The following RYR1 variants were observed in gnomAD, a reference collection of about 807,000 sequenced individuals.
RYR1 encodes ryanodine receptor 1.
RYR1 carries 342 observed loss-of-function variants against 583.5 expected under a neutral mutation model. The observed-to-expected ratio is 0.59, with a 90% CI of 0.54 to 0.64. The LOEUF (loss-of-function observed/expected upper bound fraction) is 0.64, where lower values mean the gene tolerates loss of function less well. Among genes scored for constraint, RYR1 ranks in the 30% least tolerant of loss-of-function variants. RYR1 has a pLI of 0.00. For missense variants in RYR1, 6,032 were observed against 6,917.2 expected, an observed-to-expected ratio of 0.87 and a Z score of 4.54; for synonymous variants, 2,791 against 2,822.5, an observed-to-expected ratio of 0.99 and a Z score of 0.35.
rs759317223 is a variant in RYR1 at position 38,466,328 on chromosome 19, C to A, written c.3108C>A (p.Asp1036Glu). The change falls in exon 24 of 106, where the codon GAC (aspartate) becomes GAA (glutamate). Residue 1036 changes from aspartate to glutamate, a missense_variant. Coordinates refer to ENST00000359596, the MANE Select transcript of RYR1 (RefSeq NM_000540.3). ...AAGCCACCAAGCGCAGCAACCGGGACAGCCTCTGCCAGGCCGTGCGCACCC... is the reference window on the plus strand; with the variant it reads ...AAGCCACCAAGCGCAGCAACCGGGAAAGCCTCTGCCAGGCCGTGCGCACCC... ...LDEATKRSNR[D>E]SLCQAVRTLL... The A allele has an allele frequency of 4.4e-5, 71 of 1,603,780 alleles. No homozygotes were observed. In the Admixed American group the frequency reaches 1.1e-3, roughly 26 times the overall value.
chr19:38,433,916 G>A (rs1197374439), intron 1 of RYR1, 42 bp downstream of exon 1: 1 of 1,572,948 alleles, frequency 6.4e-7, no homozygotes, highest in Admixed American at 1.7e-5. Context: ...CTATCTCTTG[G>A]GGCTCTCTGA....
chr19:38,582,895 C>G (rs1018540010), intron 101 of RYR1, among the ~76,000 whole-genome samples: 1 of 152,192 alleles, frequency 6.6e-6, no homozygotes, highest in Admixed American at 6.5e-5. Context: ...ACATCTGAGG[C>G]TCTTCCAGAC....
At chr19:38,584,142 G>A (rs1022299774) in intron 101 of RYR1, among the ~76,000 whole-genome samples, 6 of 151,712 alleles carry the variant, frequency 4.0e-5, no homozygotes, top group African/African-American at 9.7e-5. Context: ...TGCCTCCAGC[G>A]GGCTGTTAAA....
At chr19:38,541,850 A>T (rs1344389988) in intron 84 of RYR1, among the ~76,000 whole-genome samples, 1 of 151,996 alleles carries the variant, frequency 6.6e-6, no homozygotes, top group Non-Finnish European at 1.5e-5. Flanking sequence ...TGGGAGGTCA[A>T]GGTAGGAGGG....
At chr19:38,546,329 A>T in intron 87 of RYR1, 116 bp from the exon 88 acceptor site, 1 of 784,788 alleles carries the variant, frequency 1.3e-6, no homozygotes, top group Non-Finnish European at 2.2e-6. Flanking sequence ...GTCCCCTCGG[A>T]GGTAAGAGGG....
chr19:38,455,220 T>C lies in RYR1; in HGVS notation c.1441-15T>C, dbSNP rs1166701006. The C allele has an allele frequency of 8.1e-6, 13 of 1,613,824 alleles. No individual in the cohort carries two copies. The highest frequency in any genetic ancestry group is 1.1e-5 in the Non-Finnish European group (13 of 1,179,898). On this transcript the variant is annotated splice_polypyrimidine_tract_variant and intron_variant, in intron 13 of 105. Transcript: ENST00000359596. ...GGGTCTCCTATTGTGATGCCTCTTA[T>C]TTTCCTCATCCTAGGGGATGCTCTC... is the stretch of plus-strand genomic sequence containing the variant.
At chr19:38,546,638 C>A in intron 88 of RYR1, 112 bp downstream of exon 88, 1 of 849,180 alleles carries the variant, frequency 1.2e-6, no homozygotes, top group Non-Finnish European at 2.0e-6. Flanking sequence ...GACATCGTGT[C>A]AGGATCCATG....
chr19:38,501,749 C>T (rs781686821), intron 47 of RYR1, among the ~76,000 whole-genome samples: 18 of 151,924 alleles, frequency 1.2e-4, no homozygotes, highest in Non-Finnish European at 2.1e-4. Flanking sequence ...TTTGGGAGGC[C>T]GAGGCGGGTG....
At chr19:38,458,328 C>T in intron 18 of RYR1, 36 bp downstream of exon 18, 1 of 1,591,796 alleles carries the variant, frequency 6.3e-7, no homozygotes, top group Non-Finnish European at 8.6e-7. Flanking sequence ...TCACCCCTGA[C>T]CATTGACCCC....
chr19:38,557,051 C>CTTT lies in RYR1; in HGVS notation c.12283-4044_12283-4042dup, dbSNP rs35027525. 4.8e-3 allele frequency among the ~76,000 whole-genome samples: 518 copies of CTTT among 108,798 alleles called. 29 individuals are homozygous for CTTT. The highest frequency in any genetic ancestry group is 8.1e-3 in the African/African-American group (225 of 27,882). The allele number at this position is 108,798 out of a possible 152,430, so 71.4% of individuals were successfully genotyped here. ...TTGCAAAATGGCGATAGTCTCATTT[C>CTTT]TTTTTTTTTTTTTTTTTTTTGTGAC... is the stretch of plus-strand genomic sequence containing the variant. On this transcript the variant is annotated intron_variant, in intron 89 of 105. Coordinates refer to ENST00000359596, the MANE Select transcript of RYR1 (RefSeq NM_000540.3).
chr19:38,565,055 A>G lies in RYR1; in HGVS notation c.12721A>G (p.Ile4241Val). The G allele has an allele frequency of 6.4e-7, 1 of 1,570,946 alleles. No individual in the cohort carries two copies. Among genetic ancestry groups the G allele is most frequent in the Non-Finnish European group, 8.6e-7 (1 of 1,159,004 alleles). Residue 4241 changes from isoleucine to valine, a missense_variant, in exon 91 of 106, where the codon ATC (isoleucine) becomes GTC (valine). This residue lies in a region of RYR1 where 753 missense variants were observed against 759.6 expected (regional missense o/e 0.99). Transcript: ENST00000359596. The surrounding 1 kb of genome is among the most constrained non-coding windows in gnomAD (Gnocchi z 4.7). ...CTTCGTGAGTTTCTGCGAGGACACCATCTTCGAGATGCAGATCGCCGCGCA... is the reference window on the plus strand; with the variant it reads ...CTTCGTGAGTTTCTGCGAGGACACCGTCTTCGAGATGCAGATCGCCGCGCA... ...ELFVSFCEDT[I>V]FEMQIAAQIS...
Position 38,543,991 on chromosome 19 carries a change from C to G in RYR1, c.12012+116C>G, listed in dbSNP as rs1170793743. ...CCGAGTGCTCCCGGCATGTTCCAGA[C>G]TGGTTCCCTCTCAGTGGCCAAATCC... On this transcript the variant is annotated intron_variant, in intron 87 of 105. Coordinates refer to ENST00000359596, the MANE Select transcript of RYR1 (RefSeq NM_000540.3). This position sits in a 1 kb window ranked among gnomAD's most constrained non-coding sequence, Gnocchi z 4.4. 9.6e-7 allele frequency: 1 copy of G among 1,038,466 alleles called. No homozygotes were observed. The highest frequency in any genetic ancestry group is 1.4e-6 in the Non-Finnish European group (1 of 692,226). 64.3% of individuals were successfully genotyped at this position (1,038,466 alleles called of 1,614,324 possible). A position where few individuals can be genotyped will look rare whatever the true frequency, so the allele number is the denominator to read the frequency against.
At chr19:38,448,268 TA>T (rs960691443) in intron 9 of RYR1, 86 bp from the exon 10 acceptor site, 27 of 1,445,168 alleles carry the variant, frequency 1.9e-5, no homozygotes, top group East Asian at 6.9e-5. Context: ...CTGGTTTCTG[TA>T]AAAAAAAGAA....
At chr19:38,517,997 T>C (rs1971052853) in intron 66 of RYR1, among the ~76,000 whole-genome samples, 1 of 152,132 alleles carries the variant, frequency 6.6e-6, no homozygotes, top group African/African-American at 2.4e-5. Flanking sequence ...CACATGCTTA[T>C]AGTCCCAGCT....
chr19:38,444,731 A>C lies in RYR1; in HGVS notation c.631+54A>C. Reference sequence around the variant, plus strand: ...GAGATCCCCCCAAAACAGACCCTTAATGTTGCCCTTCAGGCATACCCAAAT... The same window carrying C: ...GAGATCCCCCCAAAACAGACCCTTACTGTTGCCCTTCAGGCATACCCAAAT... On this transcript the variant is annotated intron_variant, in intron 7 of 105. Coordinates refer to ENST00000359596, the MANE Select transcript of RYR1 (RefSeq NM_000540.3). This position sits in a 1 kb window ranked among gnomAD's most constrained non-coding sequence, Gnocchi z 5.1. The C allele has an allele frequency of 7.3e-7, 1 of 1,377,700 alleles. No homozygotes were observed. Among genetic ancestry groups the C allele is most frequent in the Non-Finnish European group, 1.0e-6 (1 of 979,150 alleles). The allele number at this position is 1,377,700 out of a possible 1,614,324, so 85.3% of individuals were successfully genotyped here.
At chr19:38,517,929 G>A (rs911026679) in intron 66 of RYR1, among the ~76,000 whole-genome samples, 3 of 152,112 alleles carry the variant, frequency 2.0e-5, no homozygotes, top group Non-Finnish European at 2.9e-5. Flanking sequence ...AACATAGCAC[G>A]ACCCCATCTC....
intron 69 of RYR1, 71 bp downstream of exon 69, chr19:38,523,380 C>T: frequency 6.3e-7 from 1 of 1,577,276 alleles, no homozygotes; most frequent in Non-Finnish European, 8.7e-7. Context: ...TCCTACCTGG[C>T]CTGTCCTCAC....
Position 38,444,354 on chromosome 19 carries a change from C to T in RYR1, c.537+93C>T. 9.4e-7 allele frequency: 1 copy of T among 1,060,792 alleles called. No homozygotes were observed. Among genetic ancestry groups the T allele is most frequent in the Non-Finnish European group, 1.4e-6 (1 of 697,356 alleles). The allele number at this position is 1,060,792 out of a possible 1,614,324, so 65.7% of individuals were successfully genotyped here. A position where few individuals can be genotyped will look rare whatever the true frequency, so the allele number is the denominator to read the frequency against. On this transcript the variant is annotated intron_variant, in intron 6 of 105. Coordinates refer to ENST00000359596, the MANE Select transcript of RYR1 (RefSeq NM_000540.3). This position sits in a 1 kb window ranked among gnomAD's most constrained non-coding sequence, Gnocchi z 5.1. ...ATGGGTTTGCCTGGCTGATCTCCCA[C>T]CCCCAAGGTCCTGACTCCCAATTTC... is the stretch of plus-strand genomic sequence containing the variant.
At position 38,587,559 on chromosome 19, in the gene RYR1, C is replaced by G. The variant is rs1460356103; in HGVS notation, c.*139C>G. On this transcript the variant is annotated 3_prime_UTR_variant, in exon 106 of 106. Transcript: ENST00000359596. ...GGAAAATAAATCTGTGCTACGCCCC[C>G]CAGCATCACTGTGTTGGCCTGCTGA... The G allele has an allele frequency of 5.2e-6, 4 of 774,294 alleles. No homozygotes were observed. Among genetic ancestry groups the G allele is most frequent in the African/African-American group, 1.7e-5 (1 of 58,328 alleles). The allele number at this position is 774,294 out of a possible 1,614,324, so 48.0% of individuals were successfully genotyped here.
Sources: gnomAD v4.1 joint callset for allele counts (sites outside exome capture counted in the v4.1 genomes callset) on GRCh38, gnomAD v4.1.1 for gene constraint, gnomAD v4.1.1 regional missense constraint, Gnocchi (gnomAD v3.1) non-coding constraint, MANE v1.5 for transcripts, NCBI Gene and HGNC (gene_info 2026-07-23, HGNC 2026-07-21) for gene names.